ARHGAP15: variants seen among roughly 807,000 people sequenced by gnomAD.
ARHGAP15 encodes the protein Rho GTPase activating protein 15, also known as rho GTPase-activating protein 15.
A neutral mutation model predicts 63.7 loss-of-function variants in ARHGAP15; 51 were observed. The ratio of observed to expected loss-of-function variants is 0.80; its 90% confidence interval spans 0.64 to 1.01. The LOEUF is 1.01. ARHGAP15 is among the 50% of genes least tolerant of loss of function. The pLI is 0.00. For missense variants in ARHGAP15, 560 were observed against 564.6 expected (o/e 0.99, Z 0.08); for synonymous variants, 191 against 193.8 (o/e 0.99, Z 0.12).
chr2:143,466,152 C>T (rs1371817548), intron 8 of ARHGAP15, among the ~76,000 whole-genome samples: 1 of 151,930 alleles, frequency 6.6e-6, no homozygotes, highest in African/African-American at 2.4e-5. Context: ...AAAATTAGTC[C>T]AGAAGAGAAG....
chr2:143,464,444 A>G lies in ARHGAP15; in HGVS notation c.704-22929A>G, dbSNP rs372627455. ...AGCGATTTAAGACATACAACAACATATCCTAAAAAGAATTCTTATTAACAT... is the reference window on the plus strand; with the variant it reads ...AGCGATTTAAGACATACAACAACATGTCCTAAAAAGAATTCTTATTAACAT... On this transcript the variant is annotated intron_variant, in intron 8 of 13. Transcript: ENST00000295095. 3.0e-4 allele frequency among the ~76,000 whole-genome samples: 45 copies of G among 152,296 alleles called. 1 individual carries two copies. In the South Asian group the frequency reaches 8.9e-3, roughly 30 times the overall value.
chr2:143,500,393 A>T (rs1030566113), intron 9 of ARHGAP15, among the ~76,000 whole-genome samples: 6 of 151,996 alleles, frequency 3.9e-5, no homozygotes, highest in South Asian at 2.1e-4. Flanking sequence ...TATTCATTTT[A>T]AAAAAATTGA....
intron 1 of ARHGAP15, among the ~76,000 whole-genome samples, chr2:143,135,784 T>C (rs977956081): frequency 6.6e-6 from 1 of 152,224 alleles, no homozygotes; most frequent in African/African-American, 2.4e-5. Context: ...TAACACTTTC[T>C]CATCATCTAG....
chr2:143,346,250 TCACA>T (rs138964635), intron 6 of ARHGAP15, among the ~76,000 whole-genome samples: 5,178 of 138,588 alleles, frequency 0.037, 125 homozygotes, highest in Non-Finnish European at 0.054. Context: ...ACACACACAC[TCACA>T]CACACACACA....
intron 6 of ARHGAP15, among the ~76,000 whole-genome samples, chr2:143,295,993 A>G (rs1682617355): frequency 6.6e-6 from 1 of 152,032 alleles, no homozygotes; most frequent in African/African-American, 2.4e-5. Flanking sequence ...CTGGGCCTCT[A>G]CGGCTTGTTA....
chr2:143,566,396 A>G (rs1209428159), intron 11 of ARHGAP15, among the ~76,000 whole-genome samples: 2 of 152,162 alleles, frequency 1.3e-5, no homozygotes, highest in Admixed American at 6.5e-5. Context: ...ACTAGATGCC[A>G]GGCAGTATGT....
At chr2:143,539,358 G>GTT (rs199504199) in intron 10 of ARHGAP15, among the ~76,000 whole-genome samples, 1 of 151,342 alleles carries the variant, frequency 6.6e-6, no homozygotes, top group African/African-American at 2.4e-5. Context: ...TTTTTGAAGG[G>GTT]TTTTTTGTGT....
At chr2:143,271,741 G>C (rs367591589) in intron 6 of ARHGAP15, among the ~76,000 whole-genome samples, 1 of 152,216 alleles carries the variant, frequency 6.6e-6, no homozygotes, top group Non-Finnish European at 1.5e-5. Context: ...CTCCCAAAGC[G>C]CTGGGATTAC....
chr2:143,541,361 C>G (rs945617989), intron 10 of ARHGAP15, among the ~76,000 whole-genome samples: 1 of 152,176 alleles, frequency 6.6e-6, no homozygotes, highest in Non-Finnish European at 1.5e-5. Flanking sequence ...TCTTCTGAAG[C>G]CTTCTTCTCT....
At chr2:143,589,944 G>T (rs1697257815) in intron 11 of ARHGAP15, among the ~76,000 whole-genome samples, 2 of 152,214 alleles carry the variant, frequency 1.3e-5, no homozygotes, top group Admixed American at 1.3e-4. Flanking sequence ...GATTTTGGCA[G>T]AAAGGTGTGG....
At chr2:143,345,807 T>C (rs988566444) in intron 6 of ARHGAP15, among the ~76,000 whole-genome samples, 8 of 152,154 alleles carry the variant, frequency 5.3e-5, no homozygotes, top group Non-Finnish European at 1.2e-4. Context: ...GCTTTTTAGT[T>C]TCTGATTGCA....
rs1685320710 is a variant in ARHGAP15 at position 143,727,229 on chromosome 2, AAAAAG to A, written c.1244+23710_1244+23714del. ...CACTGGGTAAAATGTCTAAGAAAGT[AAAAAG>A]AAAACATTTCTGCCATTGGATGTGA... On this transcript the variant is annotated intron_variant, in intron 13 of 13. Transcript: ENST00000295095. Among the ~76,000 whole-genome samples the A allele has an allele frequency of 2.0e-5, 3 of 152,366 alleles. No individual in the cohort carries two copies. In the South Asian group the frequency reaches 6.2e-4, roughly 32 times the overall value.
chr2:143,283,005 A>G (rs1038925931), intron 6 of ARHGAP15, among the ~76,000 whole-genome samples: 7 of 152,206 alleles, frequency 4.6e-5, no homozygotes, highest in African/African-American at 1.7e-4. Flanking sequence ...GTTTTCCGTG[A>G]AAGCTAAGCA....
chr2:143,335,585 T>C (rs971997085), intron 6 of ARHGAP15, among the ~76,000 whole-genome samples: 5 of 152,170 alleles, frequency 3.3e-5, no homozygotes, highest in Admixed American at 2.0e-4. Flanking sequence ...TTAAAACTTA[T>C]TGGAACTCTT....
At chr2:143,435,840 T>A in intron 7 of ARHGAP15, 141 bp downstream of exon 7, 1 of 875,138 alleles carries the variant, frequency 1.1e-6, no homozygotes, top group Non-Finnish European at 1.6e-6. Context: ...TTAAATAGAA[T>A]CTACTAAAAA....
intron 13 of ARHGAP15, among the ~76,000 whole-genome samples, chr2:143,711,909 A>T (rs1214436420): frequency 1.3e-5 from 2 of 152,230 alleles, no homozygotes; most frequent in Non-Finnish European, 2.9e-5. Context: ...TAGGCAACAA[A>T]GCAAGATCGT....
chr2:143,611,458 A>C (rs1051154416), intron 11 of ARHGAP15, among the ~76,000 whole-genome samples: 1 of 152,188 alleles, frequency 6.6e-6, no homozygotes, highest in Admixed American at 6.5e-5. Flanking sequence ...AAATCCGTGA[A>C]TACTACCTTG....
intron 6 of ARHGAP15, among the ~76,000 whole-genome samples, chr2:143,348,606 A>G (rs954775282): frequency 2.0e-5 from 3 of 152,166 alleles, no homozygotes; most frequent in Admixed American, 1.3e-4. Context: ...GAAGTCATTC[A>G]CGTTGCTAAA....
intron 11 of ARHGAP15, among the ~76,000 whole-genome samples, chr2:143,619,613 C>A (rs1013398793): frequency 6.6e-6 from 1 of 152,124 alleles, no homozygotes; most frequent in Admixed American, 6.5e-5. Context: ...TGTGTCCCCA[C>A]CCAGATGTCA....
Sources: allele counts gnomAD v4.1 joint callset (sites outside exome capture counted in the v4.1 genomes callset), GRCh38; gene constraint gnomAD v4.1.1; transcripts MANE v1.5; gene names NCBI Gene and HGNC (gene_info 2026-07-23, HGNC 2026-07-21).